LMX1B: variants seen among roughly 807,000 people sequenced by gnomAD.
LMX1B encodes the protein LIM homeobox transcription factor 1-beta.
In LMX1B, 12 loss-of-function variants were observed where a neutral mutation model predicts 51.4. The observed-to-expected ratio is 0.23, with a 90% CI of 0.15 to 0.38. LMX1B has a LOEUF of 0.38. Ranked by LOEUF, LMX1B falls within the 10% of genes least tolerant of loss-of-function variation. LMX1B has a pLI of 1.00. For missense variants in LMX1B, 445 were observed against 571.1 expected (o/e 0.78, Z 2.25); for synonymous variants, 237 against 235.4 (o/e 1.01, Z -0.06).
At chr9:126,633,595 G>A (rs1835667252) in intron 2 of LMX1B, among the ~76,000 whole-genome samples, 1 of 152,106 alleles carries the variant, frequency 6.6e-6, no homozygotes, top group South Asian at 2.1e-4. Context: ...GCTGGGGGAT[G>A]GAAGGGCAAA....
intron 2 of LMX1B, among the ~76,000 whole-genome samples, chr9:126,661,830 C>T (rs1404908487): frequency 1.3e-5 from 2 of 152,222 alleles, no homozygotes; most frequent in Non-Finnish European, 2.9e-5. Context: ...AGGGGGACAC[C>T]TGGCCAGGCC....
intron 2 of LMX1B, among the ~76,000 whole-genome samples, chr9:126,617,453 C>T (rs1261620150): frequency 2.0e-5 from 3 of 151,708 alleles, no homozygotes; most frequent in Non-Finnish European, 4.4e-5. Context: ...ATATTCTGCC[C>T]TCCCCCCACT....
At chr9:126,642,147 A>G (rs1390110826) in intron 2 of LMX1B, among the ~76,000 whole-genome samples, 1 of 152,118 alleles carries the variant, frequency 6.6e-6, no homozygotes, top group Non-Finnish European at 1.5e-5. Flanking sequence ...GCTGGAGCTG[A>G]GTCTGTCCTG....
intron 2 of LMX1B, among the ~76,000 whole-genome samples, chr9:126,678,535 T>C (rs1836615651): frequency 6.6e-6 from 1 of 152,220 alleles, no homozygotes; most frequent in Admixed American, 6.5e-5. Flanking sequence ...CATGTTTTTA[T>C]CACCTGCCTG....
chr9:126,673,158 A>G lies in LMX1B; in HGVS notation c.327-17678A>G, dbSNP rs1332079274. Among the ~76,000 whole-genome samples, 1 of 152,096 alleles carries G rather than the reference A, an allele frequency of 6.6e-6. No homozygotes were observed. Among genetic ancestry groups the G allele is most frequent in the African/African-American group, 2.4e-5 (1 of 41,412 alleles). ...CCTTGCCTTCCAGGGTCGAGAGGAG[A>G]TGAGAACTCCAGAAGCTCGGGCCAG... On this transcript the variant is annotated intron_variant, in intron 2 of 7. Transcript: ENST00000373474. This position sits in a 1 kb window ranked among gnomAD's most constrained non-coding sequence, Gnocchi z 4.4.
chr9:126,664,264 G>A (rs567735157), intron 2 of LMX1B, among the ~76,000 whole-genome samples: 72 of 152,292 alleles, frequency 4.7e-4, no homozygotes, highest in Admixed American at 1.8e-3. Flanking sequence ...ATGGTGGTGA[G>A]CACAAATCCC....
intron 3 of LMX1B, 37 bp from the exon 4 acceptor site, chr9:126,693,105 C>T (rs367676219): frequency 2.9e-5 from 44 of 1,543,720 alleles, no homozygotes; most frequent in East Asian, 1.7e-4. Flanking sequence ...GGGCTGCCCC[C>T]GCCCCTTCAT....
Position 126,695,938 on chromosome 9 carries a change from G to C in LMX1B, c.986G>C (p.Ser329Thr), listed in dbSNP as rs2030311938. The C allele has an allele frequency of 6.2e-7, 1 of 1,613,290 alleles. No individual in the cohort carries two copies. Among genetic ancestry groups the C allele is most frequent in the Non-Finnish European group, 8.5e-7 (1 of 1,179,762 alleles). Reference protein sequence around the residue: ...IVAMEQSPYGSSDPFQQGLTP... With the variant: ...IVAMEQSPYGTSDPFQQGLTP... ...GCCATGGAACAGAGCCCCTACGGCAGCAGCGACCCCTTCCAGCAGGGCCTC... is the reference window on the plus strand; with the variant it reads ...GCCATGGAACAGAGCCCCTACGGCACCAGCGACCCCTTCCAGCAGGGCCTC... The change falls in exon 7 of 8, where the codon AGC (serine) becomes ACC (threonine). Residue 329 changes from serine to threonine, a missense_variant. Physicochemically the swap from Ser to Thr is moderately conservative, Grantham distance 58 (BLOSUM62 1). Coordinates refer to ENST00000373474, the MANE Select transcript of LMX1B (RefSeq NM_001174147.2). The surrounding 1 kb of genome is among the most constrained non-coding windows in gnomAD (Gnocchi z 5.2).
chr9:126,656,430 G>C (rs1452992901), intron 2 of LMX1B, among the ~76,000 whole-genome samples: 1 of 148,990 alleles, frequency 6.7e-6, no homozygotes, highest in Admixed American at 6.7e-5. Context: ...TAGATAGATA[G>C]ATAGATAGGA....
rs1835341237 is a variant in LMX1B at position 126,618,276 on chromosome 9, G to T, written c.326+2707G>T. On this transcript the variant is annotated intron_variant, in intron 2 of 7. Coordinates refer to ENST00000373474, the MANE Select transcript of LMX1B (RefSeq NM_001174147.2). This position sits in a 1 kb window ranked among gnomAD's most constrained non-coding sequence, Gnocchi z 4.5. ...TGCAGGGCTCCGTCCTTAAAAAGAGGTTGCCATTTTTAGTAAATGTCTCTT... is the reference window on the plus strand; with the variant it reads ...TGCAGGGCTCCGTCCTTAAAAAGAGTTTGCCATTTTTAGTAAATGTCTCTT... 6.6e-6 allele frequency among the ~76,000 whole-genome samples: 1 copy of T among 152,132 alleles called. No individual in the cohort carries two copies. Among genetic ancestry groups the T allele is most frequent in the Non-Finnish European group, 1.5e-5 (1 of 68,024 alleles).
Position 126,695,150 on chromosome 9 carries a change from T to C in LMX1B, c.887-689T>C, listed in dbSNP as rs899847027. 2.0e-5 allele frequency among the ~76,000 whole-genome samples: 3 copies of C among 152,200 alleles called. No individual in the cohort carries two copies. The highest frequency in any genetic ancestry group is 7.2e-5 in the African/African-American group (3 of 41,518). On this transcript the variant is annotated intron_variant, in intron 6 of 7. Coordinates refer to ENST00000373474, the MANE Select transcript of LMX1B (RefSeq NM_001174147.2). The surrounding 1 kb of genome is among the most constrained non-coding windows in gnomAD (Gnocchi z 5.2). ...ACCTTGACAGAGACCCCACCCTTCC[T>C]CTGGCTTCCTCACCCACTGGCCCCA...
chr9:126,700,874 T>A lies in LMX1B; in HGVS notation c.*4423T>A, dbSNP rs928399764. On this transcript the variant is annotated 3_prime_UTR_variant, in exon 8 of 8. Transcript: ENST00000373474. The stretch of plus-strand genomic sequence containing the variant: ...CCCAGACACATTTTATTTAATAACT[T>A]GTCATTGTTAAATTATTTATTAGCG... 1 of 152,258 alleles carries A rather than the reference T, an allele frequency of 6.6e-6. No individual in the cohort carries two copies. The highest frequency in any genetic ancestry group is 2.4e-5 in the African/African-American group (1 of 41,464). 9.4% of individuals were successfully genotyped at this position (152,258 alleles called of 1,614,324 possible).
rs1836456037 is a variant in LMX1B at position 126,671,703 on chromosome 9, C to T, written c.327-19133C>T. On this transcript the variant is annotated intron_variant, in intron 2 of 7. Transcript: ENST00000373474. The surrounding 1 kb of genome is among the most constrained non-coding windows in gnomAD (Gnocchi z 4.4). ...CCCTGTGCCGAGCGGTGGAATTTTT[C>T]AATAACCAGCAGCTGGGTCACCAGG... Among the ~76,000 whole-genome samples the T allele has an allele frequency of 6.6e-6, 1 of 152,156 alleles. No individual in the cohort carries two copies. Among genetic ancestry groups the T allele is most frequent in the Non-Finnish European group, 1.5e-5 (1 of 68,032 alleles).
At chr9:126,639,300 C>T (rs765897665) in intron 2 of LMX1B, among the ~76,000 whole-genome samples, 2 of 152,136 alleles carry the variant, frequency 1.3e-5, no homozygotes, top group Admixed American at 1.3e-4. Context: ...ATCCTGGGGC[C>T]GGTCCCCGAG....
intron 2 of LMX1B, among the ~76,000 whole-genome samples, chr9:126,680,619 C>T (rs1292311214): frequency 6.6e-6 from 1 of 152,082 alleles, no homozygotes; most frequent in Non-Finnish European, 1.5e-5. Context: ...CTGGGACTAG[C>T]TCAGTTTGAT....
intron 2 of LMX1B, among the ~76,000 whole-genome samples, chr9:126,683,102 G>A (rs1380246783): frequency 2.6e-5 from 4 of 150,990 alleles, no homozygotes; most frequent in Non-Finnish European, 5.9e-5. Context: ...AGGGGCCGGC[G>A]GCCCCGCACA....
At chr9:126,663,903 G>A (rs1744927879) in intron 2 of LMX1B, among the ~76,000 whole-genome samples, 1 of 152,226 alleles carries the variant, frequency 6.6e-6, no homozygotes, top group Non-Finnish European at 1.5e-5. Flanking sequence ...GGGAATCCCG[G>A]GGGCCTCTCT....
Position 126,695,696 on chromosome 9 carries a change from G to A in LMX1B, c.887-143G>A. 1.2e-6 allele frequency: 1 copy of A among 845,646 alleles called. No individual in the cohort carries two copies. The highest frequency in any genetic ancestry group is 1.7e-5 in the South Asian group (1 of 58,462). 52.4% of individuals were successfully genotyped at this position (845,646 alleles called of 1,614,324 possible). The stretch of plus-strand genomic sequence containing the variant: ...GGAGCTGGAGTGTGCACCTGGGGAA[G>A]GGGCTGGGGAGTCAGTGTCTGGACA... On this transcript the variant is annotated intron_variant, in intron 6 of 7. Coordinates refer to ENST00000373474, the MANE Select transcript of LMX1B (RefSeq NM_001174147.2). The surrounding 1 kb of genome is among the most constrained non-coding windows in gnomAD (Gnocchi z 5.2).
chr9:126,628,056 G>A (rs143185431), intron 2 of LMX1B, among the ~76,000 whole-genome samples: 22 of 152,204 alleles, frequency 1.4e-4, no homozygotes, highest in African/African-American at 4.8e-4. Context: ...ACGGGGCCAC[G>A]TGGCTTGGGA....
Sources: allele counts gnomAD v4.1 joint callset (sites outside exome capture counted in the v4.1 genomes callset), GRCh38; gene constraint gnomAD v4.1.1; non-coding constraint Gnocchi (gnomAD v3.1); transcripts MANE v1.5; gene names NCBI Gene and HGNC (gene_info 2026-07-23, HGNC 2026-07-21).